Variants in CYB561A3 observed in about 807,000 individuals in gnomAD.
CYB561A3 encodes the protein cytochrome b561 family member A3, also known as lysosomal membrane ascorbate-dependent ferrireductase CYB561A3.
Under a neutral mutation model 25.3 loss-of-function variants are expected in CYB561A3, and 16 were observed. The ratio of observed to expected loss-of-function variants is 0.63; its 90% CI spans 0.43 to 0.96. The LOEUF is 0.96. Among genes scored for constraint, CYB561A3 ranks in the 40% least tolerant of loss-of-function variants. The probability of loss-of-function intolerance (pLI) is 0.00; values close to 1 mark genes in which losing one functional copy is unlikely to be tolerated. For missense variants in CYB561A3, 219 were observed against 307.5 expected (o/e 0.71, Z 2.15); for synonymous variants, 131 against 129.9 (o/e 1.01, Z -0.06).
Position 61,352,807 on chromosome 11 carries a change from C to T in CYB561A3, c.548+178G>A, listed in dbSNP as rs1033572135. On this transcript the variant is annotated intron_variant, in intron 5 of 6. Transcript: ENST00000294072. ...AATCAAACTGATGCTCAATAAATAT[C>T]TGCTGACTTACCAATTTCAACCTAA... 2.8e-6 allele frequency: 4 copies of T among 1,445,744 alleles called. No homozygotes were observed. The African/African-American group carries it at 5.7e-5, about 21-fold the overall frequency. 89.6% of individuals were successfully genotyped at this position (1,445,744 alleles called of 1,614,324 possible).
chr11:61,357,088 GA>G, intron 2 of CYB561A3: 2 of 1,453,996 alleles, frequency 1.4e-6, no homozygotes, highest in Non-Finnish European at 9.4e-7. Context: ...TACCCCCCAG[GA>G]AAAAAGGGAC....
chr11:61,353,859 G>C lies in CYB561A3; in HGVS notation c.318C>G (p.Asn106Lys). The change falls in exon 4 of 7, where the codon AAC becomes AAG. Residue 106 changes from asparagine to lysine, a missense_variant. Transcript: ENST00000294072. Reference protein sequence around the residue: ...VGLVAVFTFHNHGRTANLYSL... With the variant: ...VGLVAVFTFHKHGRTANLYSL... ...AGTAGAGGTTGGCAGTCCTTCCATG[G>C]TTGTGAAACGTAAAGACAGCAACCA... The C allele has an allele frequency of 1.2e-6, 2 of 1,614,210 alleles. No homozygotes were observed. Among genetic ancestry groups the C allele is most frequent in the Non-Finnish European group, 1.7e-6 (2 of 1,180,040 alleles).
chr11:61,354,168 A>C, intron 3 of CYB561A3, 176 bp from the exon 4 acceptor site: 1 of 677,152 alleles, frequency 1.5e-6, no homozygotes, highest in Non-Finnish European at 2.5e-6. Context: ...GATAACAGCC[A>C]TGAAGGGAGG....
intron 5 of CYB561A3, chr11:61,352,773 C>T (rs1248676615): frequency 1.4e-6 from 2 of 1,406,576 alleles, no homozygotes; most frequent in African/African-American, 1.4e-5. Flanking sequence ...TGACACACAG[C>T]AGGTGCTAAA....
chr11:61,352,682 T>C (rs896131360), intron 5 of CYB561A3: 5 of 637,468 alleles, frequency 7.8e-6, no homozygotes. Flanking sequence ...AAAAAGAAAA[T>C]GGCAATGACA....
rs1341994961 is a variant in CYB561A3, at chr11:61,356,730, TAGA to T, written c.-15-5_-15-3del. 3.7e-6 allele frequency: 6 copies of T among 1,612,332 alleles called. No individual in the cohort carries two copies. The highest frequency in any genetic ancestry group is 2.2e-5 in the East Asian group (1 of 44,838). ...AGACACCATTCTGATCACGCACTCC[TAGA>T]AGAAGGAGAAGTCACAAATCTCCAC... is the stretch of plus-strand genomic sequence containing the variant. On this transcript the variant is annotated splice_polypyrimidine_tract_variant and splice_region_variant and intron_variant, in intron 2 of 6. Transcript: ENST00000294072.
chr11:61,350,165 C>T lies in CYB561A3; in HGVS notation c.*234G>A. The T allele has an allele frequency of 1.7e-6, 1 of 598,822 alleles. No homozygotes were observed. Among genetic ancestry groups the T allele is most frequent in the Non-Finnish European group, 2.9e-6 (1 of 339,402 alleles). 37.1% of individuals were successfully genotyped at this position (598,822 alleles called of 1,614,324 possible). ...AGGCAAAGCCACCAAGGAAAGCAGA[C>T]AGGCAGCAAGCGGCCGGAGAGGGCA... On this transcript the variant is annotated 3_prime_UTR_variant, in exon 7 of 7. Coordinates refer to ENST00000294072, the MANE Select transcript of CYB561A3 (RefSeq NM_153611.6).
intron 3 of CYB561A3, chr11:61,354,252 G>A: frequency 3.9e-6 from 2 of 510,432 alleles, no homozygotes; most frequent in Non-Finnish European, 7.1e-6. Flanking sequence ...CACTTTTTGG[G>A]AGGCCAAGGT....
At chr11:61,356,229 C>G in intron 3 of CYB561A3, 1 of 369,360 alleles carries the variant, frequency 2.7e-6, no homozygotes, top group Non-Finnish European at 5.0e-6. Flanking sequence ...TCTCACAATA[C>G]AGTGGCAGAG....
Position 61,353,058 on chromosome 11 carries a change from A to G in CYB561A3, c.475T>C (p.Phe159Leu), listed in dbSNP as rs1174423625. The G allele has an allele frequency of 6.2e-7, 1 of 1,614,184 alleles. No homozygotes were observed. The highest frequency in any genetic ancestry group is 8.5e-7 in the Non-Finnish European group (1 of 1,180,048). Residue 159 changes from phenylalanine (F) to leucine (L), a missense_variant, in exon 5 of 7, where the codon TTT becomes CTT. Physicochemically the swap from Phe to Leu is conservative, Grantham distance 22. Transcript: ENST00000294072. ...GACAGAGAGAGGATGGCGGCTCCAA[A>G]AAAGACGTGGATAGGTTTTAGGAGG... Reference protein sequence around the residue: ...RSLLKPIHVFFGAAILSLSIA... With the variant: ...RSLLKPIHVFLGAAILSLSIA...
Position 61,353,036 on chromosome 11 carries a change from A to G in CYB561A3, c.497T>C (p.Leu166Pro). ...HVFFGAAILS[L>P]SIASVISGIN... ...GCCCGAAATGACGGATGCGATGGACAGAGAGAGGATGGCGGCTCCAAAAAA... is the reference window on the plus strand; with the variant it reads ...GCCCGAAATGACGGATGCGATGGACGGAGAGAGGATGGCGGCTCCAAAAAA... The change falls in exon 5 of 7, where the codon CTG becomes CCG. Residue 166 changes from leucine (L) to proline (P), a missense_variant. Physicochemically the swap from Leu to Pro is moderately conservative, Grantham distance 98. Coordinates refer to ENST00000294072, the MANE Select transcript of CYB561A3 (RefSeq NM_153611.6). 1 of 1,614,202 alleles carries G rather than the reference A, an allele frequency of 6.2e-7. No individual in the cohort carries two copies. The highest frequency in any genetic ancestry group is 8.5e-7 in the Non-Finnish European group (1 of 1,180,032).
At chr11:61,357,124 A>G (rs1185048525) in intron 2 of CYB561A3, 1 of 1,515,014 alleles carries the variant, frequency 6.6e-7, no homozygotes, top group Admixed American at 2.0e-5. Context: ...AGGCTAAATT[A>G]CGCAAACACC....
At chr11:61,355,673 C>CTCCA (rs1857622645) in intron 3 of CYB561A3, among the ~76,000 whole-genome samples, 1 of 144,700 alleles carries the variant, frequency 6.9e-6, no homozygotes, top group Non-Finnish European at 1.5e-5. Flanking sequence ...AAGAGCAAAA[C>CTCCA]TCCATCTCAA....
chr11:61,351,845 T>C (rs1645549882), intron 5 of CYB561A3: 1 of 152,122 alleles, frequency 6.6e-6, no homozygotes, highest in Non-Finnish European at 1.5e-5. Flanking sequence ...GTGCAGGAGT[T>C]TGATGCTGCA....
chr11:61,357,622 C>T (rs1312038034), intron 2 of CYB561A3, 111 bp downstream of exon 2: 1 of 187,020 alleles, frequency 5.3e-6, no homozygotes, highest in African/African-American at 2.4e-5. Context: ...CACCCTGTCC[C>T]ACGGACTCAC....
chr11:61,356,749 A>G (rs1215665090), intron 2 of CYB561A3, 21 bp from the exon 3 acceptor site: 3 of 1,610,104 alleles, frequency 1.9e-6, no homozygotes, highest in Admixed American at 1.7e-5. Flanking sequence ...GAGAAGTCAC[A>G]AATCTCCACT....
rs1857282454 is a variant in CYB561A3 at position 61,349,199 on chromosome 11, TGAA to T, written c.*1197_*1199del. 7.9e-6 allele frequency: 2 copies of T among 254,532 alleles called. No individual in the cohort carries two copies. The highest frequency in any genetic ancestry group is 1.6e-5 in the Non-Finnish European group (2 of 124,626). The allele number at this position is 254,532 out of a possible 1,614,324, so 15.8% of individuals were successfully genotyped here. ...CCGCTCTCCACCCTATTTCCTCCCC[TGAA>T]GAAGAGCAACAGCTCAAGCTCTAGC... On this transcript the variant is annotated 3_prime_UTR_variant, in exon 7 of 7. Coordinates refer to ENST00000294072, the MANE Select transcript of CYB561A3 (RefSeq NM_153611.6).
intron 2 of CYB561A3, 105 bp downstream of exon 2, chr11:61,357,628 C>T (rs1264798667): frequency 1.6e-5 from 3 of 184,916 alleles, no homozygotes; most frequent in Non-Finnish European, 3.4e-5. Context: ...GTCCCACGGA[C>T]TCACACCAAG....
At chr11:61,353,532 G>A in intron 4 of CYB561A3, 1 of 685,264 alleles carries the variant, frequency 1.5e-6, no homozygotes, top group South Asian at 1.5e-5. Flanking sequence ...TCAGCATAGT[G>A]CGTGCCATGA....
Sources: gnomAD v4.1 joint callset for allele counts (sites outside exome capture counted in the v4.1 genomes callset) on GRCh38, gnomAD v4.1.1 for gene constraint, MANE v1.5 for transcripts, NCBI Gene and HGNC (gene_info 2026-07-23, HGNC 2026-07-21) for gene names.